The following EIPR1 variants were observed in gnomAD, a reference collection of about 807,000 sequenced individuals.
EIPR1 encodes EARP complex and GARP complex interacting protein 1, also known as EARP and GARP complex-interacting protein 1.
In EIPR1, 25 loss-of-function variants were observed where a neutral mutation model predicts 48.1. That is an observed-to-expected ratio of 0.52 (90% CI 0.38 to 0.73). The LOEUF (loss-of-function observed/expected upper bound fraction) is 0.73, where lower values mean the gene tolerates loss of function less well. Ranked by LOEUF, EIPR1 falls within the 30% of genes least tolerant of loss-of-function variation. The pLI is 0.00. For missense variants in EIPR1, 415 were observed against 506.2 expected (o/e 0.82, Z 1.73); for synonymous variants, 204 against 201.9 (o/e 1.01, Z -0.09).
chr2:3,323,439 T>C (rs1043338049), intron 3 of EIPR1, among the ~76,000 whole-genome samples: 1 of 152,178 alleles, frequency 6.6e-6, no homozygotes, highest in South Asian at 2.1e-4. Context: ...TTAGTCTCCT[T>C]CACTGATGAG....
At chr2:3,370,015 C>G (rs989041240) in intron 1 of EIPR1, among the ~76,000 whole-genome samples, 4 of 152,126 alleles carry the variant, frequency 2.6e-5, no homozygotes, top group African/African-American at 4.8e-5. Flanking sequence ...ACACCTCACA[C>G]GGCCGGGTAC....
intron 3 of EIPR1, among the ~76,000 whole-genome samples, chr2:3,283,877 C>T (rs1668090327): frequency 6.9e-6 from 1 of 144,630 alleles, no homozygotes; most frequent in Non-Finnish European, 1.5e-5. Context: ...ATTCCAGAGG[C>T]AGAGGATGCA....
chr2:3,257,260 C>A lies in EIPR1; in HGVS notation c.416+39G>T. 3 of 1,584,096 alleles carry A rather than the reference C, an allele frequency of 1.9e-6. No homozygotes were observed. The Admixed American group carries it at 5.1e-5, about 27-fold the overall frequency. On this transcript the variant is annotated intron_variant, in intron 4 of 8. Transcript: ENST00000382125. ...CAAGCTCCTGCACCTGGCCAACCTG[C>A]AGGCTCGTTCTGGGCGCATGAAATA...
At chr2:3,353,686 T>C (rs1670645848) in intron 2 of EIPR1, among the ~76,000 whole-genome samples, 1 of 152,240 alleles carries the variant, frequency 6.6e-6, no homozygotes, top group African/African-American at 2.4e-5. Context: ...ACAGATTAAG[T>C]ATATAAACAT....
intron 3 of EIPR1, among the ~76,000 whole-genome samples, chr2:3,327,964 C>A (rs1369119280): frequency 6.6e-6 from 1 of 152,050 alleles, no homozygotes; most frequent in East Asian, 1.9e-4. Context: ...CCAGACTGGT[C>A]TTGAACTCCT....
At chr2:3,318,803 A>G (rs1669398490) in intron 3 of EIPR1, 2 of 466,262 alleles carry the variant, frequency 4.3e-6, no homozygotes, top group African/African-American at 2.0e-5. Flanking sequence ...ATCGCCACAC[A>G]TGCACCCCAA....
intron 3 of EIPR1, among the ~76,000 whole-genome samples, chr2:3,333,172 T>C (rs902044287): frequency 6.6e-6 from 1 of 152,178 alleles, no homozygotes; most frequent in African/African-American, 2.4e-5. Context: ...AAAAAATAAG[T>C]CACGAGCTCA....
rs985397936 is a variant in EIPR1, at chr2:3,267,669, G to A, written c.260-10214C>T. Among the ~76,000 whole-genome samples the A allele has an allele frequency of 5.9e-5, 9 of 152,368 alleles. No individual in the cohort carries two copies. In the South Asian group the frequency reaches 8.3e-4, roughly 14 times the overall value. On this transcript the variant is annotated intron_variant, in intron 3 of 8. Transcript: ENST00000382125. Reference sequence around the variant, plus strand: ...GGCAAGGCCAGCAGTGCCTGTTCACGTCCTGCTGCAGACCTACATCAAGAC... The same window carrying A: ...GGCAAGGCCAGCAGTGCCTGTTCACATCCTGCTGCAGACCTACATCAAGAC...
At chr2:3,262,575 A>G (rs552873530) in intron 3 of EIPR1, among the ~76,000 whole-genome samples, 25 of 152,350 alleles carry the variant, frequency 1.6e-4, no homozygotes, top group African/African-American at 6.0e-4. Context: ...CAGCAAGATC[A>G]GGCTGGGGAG....
At chr2:3,199,951 TG>T (rs1362367920) in intron 5 of EIPR1, among the ~76,000 whole-genome samples, 4 of 28,474 alleles carry the variant, frequency 1.4e-4, no homozygotes, top group Admixed American at 4.5e-4. Context: ...GGGCACGCAT[TG>T]GGGGGTGTGT....
At chr2:3,280,620 C>T (rs1436476882) in intron 3 of EIPR1, among the ~76,000 whole-genome samples, 3 of 152,238 alleles carry the variant, frequency 2.0e-5, no homozygotes. Flanking sequence ...TCTAAGTCAG[C>T]TACAAGTATC....
chr2:3,279,373 C>A (rs368913082), intron 3 of EIPR1, among the ~76,000 whole-genome samples: 1 of 152,140 alleles, frequency 6.6e-6, no homozygotes, highest in South Asian at 2.1e-4. Flanking sequence ...GGGAAGAGGT[C>A]GGAATAGTCT....
intron 1 of EIPR1, among the ~76,000 whole-genome samples, chr2:3,356,627 G>A (rs1160987112): frequency 6.6e-6 from 1 of 152,168 alleles, no homozygotes; most frequent in East Asian, 1.9e-4. Flanking sequence ...GTGAACTTAC[G>A]CGGTAAAGGG....
chr2:3,373,508 C>A (rs1659765116), intron 1 of EIPR1, among the ~76,000 whole-genome samples: 1 of 151,046 alleles, frequency 6.6e-6, no homozygotes, highest in East Asian at 1.9e-4. Flanking sequence ...TCTCCTTAAG[C>A]TGATAAGCAA....
chr2:3,373,183 C>G (rs1176408821), intron 1 of EIPR1, among the ~76,000 whole-genome samples: 9 of 151,880 alleles, frequency 5.9e-5, no homozygotes, highest in Non-Finnish European at 1.0e-4. Context: ...TTCAACAACG[C>G]TTCATGCTAA....
chr2:3,224,091 C>A (rs1184522705), intron 4 of EIPR1, among the ~76,000 whole-genome samples: 1 of 152,214 alleles, frequency 6.6e-6, no homozygotes, highest in Non-Finnish European at 1.5e-5. Flanking sequence ...CTGGCCATGA[C>A]TTTATTTCAT....
intron 2 of EIPR1, among the ~76,000 whole-genome samples, chr2:3,339,391 C>G (rs1421857248): frequency 6.6e-6 from 1 of 152,232 alleles, no homozygotes; most frequent in Non-Finnish European, 1.5e-5. Flanking sequence ...TAAACTGTCT[C>G]CACGATACCC....
At chr2:3,208,647 C>T (rs1334782643) in intron 5 of EIPR1, 1 of 1,550,618 alleles carries the variant, frequency 6.4e-7, no homozygotes, top group African/African-American at 1.4e-5. Context: ...GTATGCTTGG[C>T]ATATGGCTGA....
intron 4 of EIPR1, among the ~76,000 whole-genome samples, chr2:3,251,593 C>CTCAA (rs758772414): frequency 2.6e-4 from 40 of 152,256 alleles, no homozygotes; most frequent in Admixed American, 8.5e-4. Flanking sequence ...GGTCTGCTGC[C>CTCAA]TTGAAGTCCA....
Sources: allele counts gnomAD v4.1 joint callset (sites outside exome capture counted in the v4.1 genomes callset), GRCh38; gene constraint gnomAD v4.1.1; transcripts MANE v1.5; gene names NCBI Gene and HGNC (gene_info 2026-07-23, HGNC 2026-07-21).